Variants in ZNF746 observed in about 807,000 individuals in gnomAD.
ZNF746 encodes the protein zinc finger protein 746.
A neutral mutation model predicts 41.0 loss-of-function variants in ZNF746; 13 were observed. That is an observed-to-expected ratio of 0.32 (90% CI 0.21 to 0.50). The LOEUF (loss-of-function observed/expected upper bound fraction) is 0.50. Among genes scored for constraint, ZNF746 ranks in the 20% least tolerant of loss-of-function variants. The pLI is 0.98. For missense variants in ZNF746, 811 were observed against 922.9 expected (o/e 0.88, Z 1.57); for synonymous variants, 424 against 396.2 (o/e 1.07, Z -0.83).
At chr7:149,482,980 GA>G (rs1800525497) in intron 4 of ZNF746, among the ~76,000 whole-genome samples, 1 of 152,014 alleles carries the variant, frequency 6.6e-6, no homozygotes, top group African/African-American at 2.4e-5. Context: ...TCCAAACACA[GA>G]GAAAACACAA....
rs1585730446 is a variant in ZNF746 at position 149,484,341 on chromosome 7, G to A, written c.566-6586C>T. On this transcript the variant is annotated intron_variant, in intron 4 of 6. Coordinates refer to ENST00000458143, the MANE Select transcript of ZNF746 (RefSeq NM_001394198.1). ...AATGTTCATAAAGGATCATGACAAA[G>A]TTAGGTTTATTCCAAGACTGCAAGG... Among the ~76,000 whole-genome samples the A allele has an allele frequency of 3.9e-5, 6 of 152,248 alleles. 1 individual carries two copies. In the South Asian group the frequency reaches 1.2e-3, roughly 32 times the overall value.
At chr7:149,488,773 G>A (rs528377165) in intron 4 of ZNF746, 2 of 152,308 alleles carry the variant, frequency 1.3e-5, no homozygotes, top group African/African-American at 4.8e-5. Flanking sequence ...TACAGTAACG[G>A]AAGAGATGAA....
At chr7:149,475,992 A>AT (rs1800287878) in intron 6 of ZNF746, among the ~76,000 whole-genome samples, 2 of 152,242 alleles carry the variant, frequency 1.3e-5, no homozygotes, top group Non-Finnish European at 1.5e-5. Context: ...AAATGGACCC[A>AT]CCAGCTAATG....
At position 149,477,653 on chromosome 7, in the gene ZNF746, G is replaced by T; in HGVS notation, c.668C>A (p.Ala223Glu). Residue 223 changes from alanine to glutamate, a missense_variant, in exon 5 of 7, where the codon GCA (alanine) becomes GAA (glutamate). By Grantham distance (107) the Ala-to-Glu change is moderately radical (BLOSUM62 -1). This residue lies in a region of ZNF746 where 495 missense variants were observed against 481.6 expected (regional missense o/e 1.03). Coordinates refer to ENST00000458143, the MANE Select transcript of ZNF746 (RefSeq NM_001394198.1). ...CTCCCCAATATCTGGCTGCCCGGCT[G>T]CCCACGCCTCCACGCCCAGGGCCTG... ...EQQALGVEAW[A>E]AGQPDIGEEP... The T allele has an allele frequency of 6.2e-7, 1 of 1,614,034 alleles. No individual in the cohort carries two copies. Among genetic ancestry groups the T allele is most frequent in the Non-Finnish European group, 8.5e-7 (1 of 1,179,966 alleles).
At position 149,475,432 on chromosome 7, in the gene ZNF746, G is replaced by A. The variant is rs1164054718; in HGVS notation, c.935C>T (p.Ala312Val). 3 of 1,613,582 alleles carry A rather than the reference G, an allele frequency of 1.9e-6. No homozygotes were observed. Among genetic ancestry groups the A allele is most frequent in the East Asian group, 2.2e-5 (1 of 44,874 alleles). Residue 312 changes from alanine to valine, a missense_variant, in exon 7 of 7, where the codon GCC (alanine) becomes GTC (valine). Transcript: ENST00000458143. ...KTEVQEEEVV[A>V]TPVHPTDLEA... Reference sequence around the variant, plus strand: ...TAGGTCAGTAGGATGTACGGGTGTGGCCACCACCTCCTCTTCCTGGACTTC... The same window carrying A: ...TAGGTCAGTAGGATGTACGGGTGTGACCACCACCTCCTCTTCCTGGACTTC...
chr7:149,486,622 G>T (rs1425924120), intron 4 of ZNF746, among the ~76,000 whole-genome samples: 3 of 152,152 alleles, frequency 2.0e-5, no homozygotes, highest in Non-Finnish European at 1.5e-5. Flanking sequence ...AACATATGTG[G>T]TATGATTCCA....
At position 149,493,629 on chromosome 7, in the gene ZNF746, T is replaced by G. The variant is rs372857462; in HGVS notation, c.451+360A>C. Among the ~76,000 whole-genome samples the G allele has an allele frequency of 1.3e-3, 192 of 152,360 alleles. 6 individuals carry two copies. In the South Asian group the frequency reaches 0.039, roughly 31 times the overall value. On this transcript the variant is annotated intron_variant, in intron 3 of 6. Coordinates refer to ENST00000458143, the MANE Select transcript of ZNF746 (RefSeq NM_001394198.1). ...TTGCCGTAAGGGCCACGCATGTTTGTAGGAGAAGGCTGAAGGAAAGAGTCT... is the reference window on the plus strand; with the variant it reads ...TTGCCGTAAGGGCCACGCATGTTTGGAGGAGAAGGCTGAAGGAAAGAGTCT...
Position 149,473,387 on chromosome 7 carries a change from A to C in ZNF746, c.*997T>G, listed in dbSNP as rs910311545. 1 of 152,258 alleles carries C rather than the reference A, an allele frequency of 6.6e-6. No homozygotes were observed. Among genetic ancestry groups the C allele is most frequent in the African/African-American group, 2.4e-5 (1 of 41,456 alleles). The allele number at this position is 152,258 out of a possible 1,614,324, so 9.4% of individuals were successfully genotyped here. ...CACGTGTACCCACAGTGAGAGGCTGAGGTGTGTCCCCTCTGAGCAGTTTGC... is the reference window on the plus strand; with the variant it reads ...CACGTGTACCCACAGTGAGAGGCTGCGGTGTGTCCCCTCTGAGCAGTTTGC... On this transcript the variant is annotated 3_prime_UTR_variant, in exon 7 of 7. Coordinates refer to ENST00000458143, the MANE Select transcript of ZNF746 (RefSeq NM_001394198.1).
intron 4 of ZNF746, among the ~76,000 whole-genome samples, chr7:149,478,742 A>C (rs1800396194): frequency 6.6e-6 from 1 of 152,280 alleles, no homozygotes; most frequent in East Asian, 1.9e-4. Context: ...ATGATACAGT[A>C]ACCTAAGTAT....
intron 4 of ZNF746, chr7:149,491,896 C>G: frequency 1.4e-6 from 1 of 701,522 alleles, no homozygotes; most frequent in East Asian, 2.7e-5. Context: ...GTCCACCTGT[C>G]CTTCCCTTAA....
chr7:149,483,561 C>T (rs1372176575), intron 4 of ZNF746, among the ~76,000 whole-genome samples: 10 of 151,560 alleles, frequency 6.6e-5, no homozygotes, highest in Admixed American at 1.3e-4. Context: ...AAGCCAAGAT[C>T]GCGCCACTGT....
Position 149,497,335 on chromosome 7 carries a change from C to T in ZNF746, c.24+178G>A. On this transcript the variant is annotated intron_variant, in intron 1 of 6. Coordinates refer to ENST00000458143, the MANE Select transcript of ZNF746 (RefSeq NM_001394198.1). This position sits in a 1 kb window ranked among gnomAD's most constrained non-coding sequence, Gnocchi z 4.2. ...CTCGGGTTCGGCTCGGAGTGGGGGC[C>T]CGGCCGACGGGCGCAGTAGGCCCCG... 2.0e-6 allele frequency: 2 copies of T among 983,154 alleles called. No homozygotes were observed. The highest frequency in any genetic ancestry group is 2.4e-6 in the Non-Finnish European group (2 of 828,084). The allele number at this position is 983,154 out of a possible 1,614,324, so 60.9% of individuals were successfully genotyped here.
At chr7:149,487,091 C>T (rs1341785057) in intron 4 of ZNF746, among the ~76,000 whole-genome samples, 1 of 152,104 alleles carries the variant, frequency 6.6e-6, no homozygotes, top group Admixed American at 6.5e-5. Context: ...TAGAGTCTAA[C>T]AGCAGCGCGA....
At chr7:149,492,226 CCTCTTTCTCCTCAGCCTACTCAAT>C (rs1800829432) in intron 4 of ZNF746, among the ~76,000 whole-genome samples, 1 of 152,184 alleles carries the variant, frequency 6.6e-6, no homozygotes. Flanking sequence ...ACCAACCACT[CCTCTTTCTCCTCAGCCTACTCAAT>C]CTGAAGAAGA....
At position 149,475,350 on chromosome 7, in the gene ZNF746, A is replaced by C; in HGVS notation, c.1017T>G (p.Pro339=). 2 of 1,614,088 alleles carry C rather than the reference A, an allele frequency of 1.2e-6. No homozygotes were observed. Among genetic ancestry groups the C allele is most frequent in the Admixed American group, 1.7e-5 (1 of 60,028 alleles). The change falls in exon 7 of 7, where the codon CCT becomes CCG. Residue 339 remains proline (P), a synonymous_variant. Coordinates refer to ENST00000458143, the MANE Select transcript of ZNF746 (RefSeq NM_001394198.1). ...GGCTTTCCCAGGCTCCTTCCTGGGC[A>C]GGACTAGGGAAGAACCGTGTGGCTT... The part of the protein sequence containing the change: ...PGQATRFFPS[P]AQEGAWESQG...
intron 4 of ZNF746, among the ~76,000 whole-genome samples, chr7:149,479,954 A>G (rs1406098706): frequency 6.6e-6 from 1 of 152,110 alleles, no homozygotes; most frequent in Non-Finnish European, 1.5e-5. Flanking sequence ...CTGTCTCCAC[A>G]GAGGGGAAAA....
In ZNF746 at chr7:149,474,916, A is replaced by G; in HGVS notation, c.1451T>C (p.Leu484Pro). The change falls in exon 7 of 7, where the codon CTG becomes CCG. Residue 484 changes from leucine to proline, a missense_variant. Leu to Pro is a moderately conservative substitution (Grantham distance 98). Transcript: ENST00000458143. This position sits in a 1 kb window ranked among gnomAD's most constrained non-coding sequence, Gnocchi z 6.3. ...CCCACAGCTGCGCTGGTGCGCGCTCAGGCTGACTTGCAGCTGGAAGCTCTT... is the reference window on the plus strand; with the variant it reads ...CCCACAGCTGCGCTGGTGCGCGCTCGGGCTGACTTGCAGCTGGAAGCTCTT... The part of the protein sequence containing the change: ...CGKSFQLQVS[L>P]SAHQRSCGAP... 1.3e-6 allele frequency: 2 copies of G among 1,540,112 alleles called. No homozygotes were observed. Among genetic ancestry groups the G allele is most frequent in the Non-Finnish European group, 1.7e-6 (2 of 1,146,328 alleles).
chr7:149,492,251 C>G (rs568946679), intron 4 of ZNF746, among the ~76,000 whole-genome samples: 41 of 152,324 alleles, frequency 2.7e-4, no homozygotes, highest in Admixed American at 1.8e-3. Context: ...CCTACTCAAT[C>G]TGAAGAAGAC....
In ZNF746 at chr7:149,474,786, C is replaced by A. The variant is rs1800226826; in HGVS notation, c.1581G>T (p.Arg527=). The change falls in exon 7 of 7, where the codon CGG becomes CGT. Residue 527 remains arginine, a synonymous_variant. Transcript: ENST00000458143. This position sits in a 1 kb window ranked among gnomAD's most constrained non-coding sequence, Gnocchi z 6.3. ...TGAAGCAACGGCCGCACTCCCCACACCGAAGGGCGCTGCCATCCCGTGCGC... is the reference window on the plus strand; with the variant it reads ...TGAAGCAACGGCCGCACTCCCCACAACGAAGGGCGCTGCCATCCCGTGCGC... ...GGSARDGSAL[R]CGECGRCFTR... 2 of 1,544,086 alleles carry A rather than the reference C, an allele frequency of 1.3e-6. No homozygotes were observed. Among genetic ancestry groups the A allele is most frequent in the Admixed American group, 1.9e-5 (1 of 51,344 alleles).
Sources: allele counts gnomAD v4.1 joint callset (sites outside exome capture counted in the v4.1 genomes callset), GRCh38; gene constraint gnomAD v4.1.1; regional missense constraint gnomAD v4.1.1; non-coding constraint Gnocchi (gnomAD v3.1); transcripts MANE v1.5; gene names NCBI Gene and HGNC (gene_info 2026-07-23, HGNC 2026-07-21).